The following SPATA2 variants were observed in gnomAD, a reference collection of about 807,000 sequenced individuals.
SPATA2 encodes spermatogenesis-associated protein 2.
Under a neutral mutation model 35.4 loss-of-function variants are expected in SPATA2, and 8 were observed. That is an observed-to-expected ratio of 0.23 (90% confidence interval 0.13 to 0.41). SPATA2 has a LOEUF of 0.41. Among genes scored for constraint, SPATA2 ranks in the 10% least tolerant of loss-of-function variants. The pLI is 1.00. For missense variants in SPATA2, 650 were observed against 698.7 expected (o/e 0.93, Z 0.79); for synonymous variants, 293 against 300.9 (o/e 0.97, Z 0.27).
chr20:49,909,728 G>T (rs1232972881), intron 1 of SPATA2, among the ~76,000 whole-genome samples: 1 of 152,182 alleles, frequency 6.6e-6, no homozygotes, highest in African/African-American at 2.4e-5. Flanking sequence ...TGAGGCCGAG[G>T]CCACGAGGGC....
chr20:49,905,844 A>C lies in SPATA2; in HGVS notation c.1338T>G (p.Leu446=). ...TGGTGGAGGGCTTGGATTTGGAGTG[A>C]AGGTGCGGGAGGCGGTCGAGGCCCT... ...QTQGLDRLPH[L]HSKSKPSTTP... Residue 446 remains leucine (L), a synonymous_variant, in exon 3 of 3, where the codon CTT becomes CTG. Coordinates refer to ENST00000289431, the MANE Select transcript of SPATA2 (RefSeq NM_006038.4). The C allele has an allele frequency of 6.2e-7, 1 of 1,614,058 alleles. No individual in the cohort carries two copies. Among genetic ancestry groups the C allele is most frequent in the Non-Finnish European group, 8.5e-7 (1 of 1,180,022 alleles).
chr20:49,908,707 G>A, intron 1 of SPATA2, 115 bp from the exon 2 acceptor site: 2 of 568,090 alleles, frequency 3.5e-6, no homozygotes, highest in Non-Finnish European at 6.3e-6. Flanking sequence ...GACCCCAGCA[G>A]CACACTACAG....
At chr20:49,914,441 T>C (rs2090198143) in intron 1 of SPATA2, among the ~76,000 whole-genome samples, 1 of 152,098 alleles carries the variant, frequency 6.6e-6, no homozygotes. Flanking sequence ...TACACATCCC[T>C]GGTCTAGCTC....
In SPATA2 at chr20:49,906,137, G is replaced by T; in HGVS notation, c.1045C>A (p.Arg349=). 6.2e-7 allele frequency: 1 copy of T among 1,610,706 alleles called. No individual in the cohort carries two copies. Among genetic ancestry groups the T allele is most frequent in the Non-Finnish European group, 8.5e-7 (1 of 1,178,324 alleles). Residue 349 remains arginine, a synonymous_variant, in exon 3 of 3, where the codon CGG becomes AGG. Coordinates refer to ENST00000289431, the MANE Select transcript of SPATA2 (RefSeq NM_006038.4). The surrounding 1 kb of genome is among the most constrained non-coding windows in gnomAD (Gnocchi z 8.2). ...ACATCCGGCCGCAGAGCATCCTGCC[G>T]ACGGTAGGTGGCCCTGGGTTCAGAG... The part of the protein sequence containing the change: ...TDSEPRATYR[R]QDALRPDVWL...
Position 49,905,413 on chromosome 20 carries a change from CT to C in SPATA2, c.*205del. 1.7e-6 allele frequency: 1 copy of C among 590,176 alleles called. No homozygotes were observed. 36.6% of individuals were successfully genotyped at this position (590,176 alleles called of 1,614,324 possible). ...TCTGAACGGAAGTGCCACCTTCTCC[CT>C]TGTCAGACAACAAAGCAGCCATTGG... On this transcript the variant is annotated 3_prime_UTR_variant, in exon 3 of 3. Transcript: ENST00000289431.
In SPATA2 at chr20:49,905,678, T is replaced by G; in HGVS notation, c.1504A>C (p.Met502Leu). The G allele has an allele frequency of 6.2e-7, 1 of 1,614,250 alleles. No homozygotes were observed. Among genetic ancestry groups the G allele is most frequent in the South Asian group, 1.1e-5 (1 of 91,084 alleles). ...CYKKSELHKFMPNNQLNYKST... is the reference protein window; with the variant it reads ...CYKKSELHKFLPNNQLNYKST... Reference sequence around the variant, plus strand: ...TTGTAGTTCAGCTGGTTGTTGGGCATGAACTTGTGCAGCTCACTCTTTTTG... The same window carrying G: ...TTGTAGTTCAGCTGGTTGTTGGGCAGGAACTTGTGCAGCTCACTCTTTTTG... The change falls in exon 3 of 3, where the codon ATG becomes CTG. Residue 502 changes from methionine (M) to leucine (L), a missense_variant. Transcript: ENST00000289431.
chr20:49,906,574 T>G lies in SPATA2; in HGVS notation c.608A>C (p.Asp203Ala), dbSNP rs1424196013. ...IVSERKSSAEDVRGCSDALRR... is the reference protein window; with the variant it reads ...IVSERKSSAEAVRGCSDALRR... The stretch of plus-strand genomic sequence containing the variant: ...CAGGGCGTCCGAGCAGCCGCGCACA[T>G]CCTCTGCACTGCTCTTGCGCTCGCT... Residue 203 changes from aspartate to alanine, a missense_variant, in exon 3 of 3, where the codon GAT becomes GCT. By Grantham distance (126) the Asp-to-Ala change is moderately radical (BLOSUM62 -2). Transcript: ENST00000289431. The surrounding 1 kb of genome is among the most constrained non-coding windows in gnomAD (Gnocchi z 8.2). 3.7e-6 allele frequency: 6 copies of G among 1,614,062 alleles called. No individual in the cohort carries two copies. The highest frequency in any genetic ancestry group is 4.2e-6 in the Non-Finnish European group (5 of 1,180,046).
chr20:49,904,632 G>C lies in SPATA2; in HGVS notation c.*987C>G, dbSNP rs1261713468. ...ATAGATAGTTACTGCAGGGAAGACA[G>C]TGGCTCTCCACCAGCTCAAGAAAAG... is the stretch of plus-strand genomic sequence containing the variant. On this transcript the variant is annotated 3_prime_UTR_variant, in exon 3 of 3. Coordinates refer to ENST00000289431, the MANE Select transcript of SPATA2 (RefSeq NM_006038.4). 1 of 152,726 alleles carries C rather than the reference G, an allele frequency of 6.5e-6. No individual in the cohort carries two copies. Among genetic ancestry groups the C allele is most frequent in the East Asian group, 1.9e-4 (1 of 5,176 alleles). The allele number at this position is 152,726 out of a possible 1,614,324, so 9.5% of individuals were successfully genotyped here.
chr20:49,905,657 A>G lies in SPATA2; in HGVS notation c.1525T>C (p.Tyr509His). ...AGATGGGAGAGCTGGGTGGACTTGTAGTTCAGCTGGTTGTTGGGCATGAAC... is the reference window on the plus strand; with the variant it reads ...AGATGGGAGAGCTGGGTGGACTTGTGGTTCAGCTGGTTGTTGGGCATGAAC... ...HKFMPNNQLN[Y>H]KSTQLSHLVY... Residue 509 changes from tyrosine (Y) to histidine (H), a missense_variant, in exon 3 of 3, where the codon TAC becomes CAC. Physicochemically the swap from Tyr to His is moderately conservative, Grantham distance 83. Transcript: ENST00000289431. 6.2e-7 allele frequency: 1 copy of G among 1,614,222 alleles called. No individual in the cohort carries two copies. Among genetic ancestry groups the G allele is most frequent in the Non-Finnish European group, 8.5e-7 (1 of 1,180,024 alleles).
Position 49,905,745 on chromosome 20 carries a change from T to G in SPATA2, c.1437A>C (p.Ser479=). The G allele has an allele frequency of 1.2e-6, 2 of 1,614,222 alleles. No homozygotes were observed. The highest frequency in any genetic ancestry group is 1.7e-6 in the Non-Finnish European group (2 of 1,180,032). Residue 479 remains serine, a synonymous_variant, in exon 3 of 3, where the codon TCA becomes TCC. Transcript: ENST00000289431. ...GGTAAGCGCTGAGGCAGGCGTCACA[T>G]GAGACTTTTGAACACTGGGTGCAGG... ...TNTCTQCSKV[S]CDACLSAYHY...
chr20:49,913,381 G>A (rs2090191857), intron 1 of SPATA2: 2 of 152,202 alleles, frequency 1.3e-5, no homozygotes, highest in African/African-American at 4.8e-5. Context: ...TTTACCAAGG[G>A]ATTACTGTGT....
intron 1 of SPATA2, among the ~76,000 whole-genome samples, chr20:49,911,524 G>A (rs533447303): frequency 1.2e-4 from 18 of 152,084 alleles, no homozygotes; most frequent in African/African-American, 4.1e-4. Flanking sequence ...AAAATTAGAC[G>A]GGTGTGGCAG....
chr20:49,909,999 G>A (rs747191838), intron 1 of SPATA2, among the ~76,000 whole-genome samples: 6 of 152,234 alleles, frequency 3.9e-5, no homozygotes, highest in Admixed American at 6.5e-5. Flanking sequence ...CCTGTTGGGA[G>A]AGGATAGAAT....
intron 1 of SPATA2, among the ~76,000 whole-genome samples, chr20:49,912,451 T>A (rs1015299542): frequency 6.6e-6 from 1 of 152,126 alleles, no homozygotes; most frequent in Non-Finnish European, 1.5e-5. Flanking sequence ...CATCTCTACA[T>A]AAATAAATGT....
chr20:49,914,983 C>G (rs2090201364), intron 1 of SPATA2, among the ~76,000 whole-genome samples: 1 of 152,244 alleles, frequency 6.6e-6, no homozygotes, highest in African/African-American at 2.4e-5. Context: ...GCAACTGAGG[C>G]TCTTAAGATG....
rs779032001 is a variant in SPATA2 at position 49,905,817 on chromosome 20, C to A, written c.1365G>T (p.Thr455=). The stretch of plus-strand genomic sequence containing the variant: ...TGCAGAAGCCACAGCGGGAAGTGGG[C>A]GTGGTGGAGGGCTTGGATTTGGAGT... ...HLHSKSKPST[T]PTSRCGFCNR... is the part of the protein sequence containing the mutation. The change falls in exon 3 of 3, where the codon ACG becomes ACT. Residue 455 remains threonine, a synonymous_variant. Coordinates refer to ENST00000289431, the MANE Select transcript of SPATA2 (RefSeq NM_006038.4). 1.9e-6 allele frequency: 3 copies of A among 1,614,016 alleles called. No individual in the cohort carries two copies. The highest frequency in any genetic ancestry group is 1.3e-5 in the African/African-American group (1 of 74,932).
In SPATA2 at chr20:49,906,085, G is replaced by A. The variant is rs1286874276; in HGVS notation, c.1097C>T (p.Ser366Phe). Residue 366 changes from serine (S) to phenylalanine (F), a missense_variant, in exon 3 of 3, where the codon TCC becomes TTC. By Grantham distance (155) the Ser-to-Phe change is radical (BLOSUM62 -2). Transcript: ENST00000289431. The surrounding 1 kb of genome is among the most constrained non-coding windows in gnomAD (Gnocchi z 8.2). ...AGGGGGCGAGCGCTTGTGGTAGAGGGAGTGGGCATCGTTTCTGAGCAGCCA... is the reference window on the plus strand; with the variant it reads ...AGGGGGCGAGCGCTTGTGGTAGAGGAAGTGGGCATCGTTTCTGAGCAGCCA... Reference protein sequence around the residue: ...DVWLLRNDAHSLYHKRSPPAK... With the variant: ...DVWLLRNDAHFLYHKRSPPAK... The A allele has an allele frequency of 1.2e-6, 2 of 1,610,210 alleles. No individual in the cohort carries two copies. Among genetic ancestry groups the A allele is most frequent in the Non-Finnish European group, 1.7e-6 (2 of 1,179,766 alleles).
In SPATA2 at chr20:49,912,399, T is replaced by C. The variant is rs182644797; in HGVS notation, c.-103+2981A>G. Among the ~76,000 whole-genome samples the C allele has an allele frequency of 3.6e-3, 554 of 152,300 alleles. 4 individuals carry two copies. Among genetic ancestry groups the C allele is most frequent in the African/African-American group, 0.013 (528 of 41,560 alleles). On this transcript the variant is annotated intron_variant, in intron 1 of 2. Transcript: ENST00000289431. ...AGGGAGAGGTTGCAGTGAGCTGAGATCGTGCCATTGCACTCCAGCCTGGGC... is the reference window on the plus strand; with the variant it reads ...AGGGAGAGGTTGCAGTGAGCTGAGACCGTGCCATTGCACTCCAGCCTGGGC...
chr20:49,905,232 G>A lies in SPATA2; in HGVS notation c.*387C>T. 1 of 193,280 alleles carries A rather than the reference G, an allele frequency of 5.2e-6. No homozygotes were observed. The highest frequency in any genetic ancestry group is 1.1e-5 in the Non-Finnish European group (1 of 92,234). The allele number at this position is 193,280 out of a possible 1,614,324, so 12.0% of individuals were successfully genotyped here. A position where few individuals can be genotyped will look rare whatever the true frequency, so the allele number is the denominator to read the frequency against. ...TTGGTGACCTGAAGGGCCCTTCCCA[G>A]TCCAAGTTGGCTTTGCAATGGGAGG... is the stretch of plus-strand genomic sequence containing the variant. On this transcript the variant is annotated 3_prime_UTR_variant, in exon 3 of 3. Transcript: ENST00000289431.
Sources: allele counts gnomAD v4.1 joint callset (sites outside exome capture counted in the v4.1 genomes callset), GRCh38; gene constraint gnomAD v4.1.1; non-coding constraint Gnocchi (gnomAD v3.1); transcripts MANE v1.5; gene names NCBI Gene and HGNC (gene_info 2026-07-23, HGNC 2026-07-21).